The following CELSR2 variants were observed in gnomAD, a reference collection of about 807,000 sequenced individuals.
CELSR2 encodes EGF-like protein 2.
In CELSR2, 81 loss-of-function variants were observed where a neutral mutation model predicts 251.6. The ratio of observed to expected loss-of-function variants is 0.32; its 90% CI spans 0.27 to 0.39. The LOEUF (loss-of-function observed/expected upper bound fraction) is 0.39, where lower values mean the gene tolerates loss of function less well. CELSR2 is among the 10% of genes least tolerant of loss of function. The probability of loss-of-function intolerance (pLI) is 1.00; values close to 1 mark genes in which losing one functional copy is unlikely to be tolerated. For synonymous variants in CELSR2, 1,721 were observed against 1,670.5 expected, an observed-to-expected ratio of 1.03 and a Z score of -0.74; for missense variants, 3,365 against 3,947.7, an observed-to-expected ratio of 0.85 and a Z score of 3.96.
At chr1:109,259,199 C>A in intron 2 of CELSR2, 120 bp downstream of exon 2, 1 of 905,088 alleles carries the variant, frequency 1.1e-6, no homozygotes, top group Non-Finnish European at 1.6e-6. Flanking sequence ...TGCAGCTACA[C>A]TGAGAGGTCA....
Position 109,264,219 on chromosome 1 carries a change from G to A in CELSR2, c.5143G>A (p.Ala1715Thr). 1 of 1,613,808 alleles carries A rather than the reference G, an allele frequency of 6.2e-7. No homozygotes were observed. Among genetic ancestry groups the A allele is most frequent in the Non-Finnish European group, 8.5e-7 (1 of 1,179,992 alleles). Residue 1715 changes from alanine (A) to threonine (T), a missense_variant, in exon 10 of 34, where the codon GCC becomes ACC. Ala to Thr is a moderately conservative substitution (Grantham distance 58). This residue lies in a region of CELSR2 where 2,093 missense variants were observed against 2,382.8 expected (regional missense o/e 0.88). Transcript: ENST00000271332. ...ALGASGGPGH[A>T]ILSFDYGQQR... The stretch of plus-strand genomic sequence containing the variant: ...GGGAGCCAGCGGGGGGCCCGGCCAT[G>A]CCATTCTGTCCTTCGATTATGGGCA...
At chr1:109,273,954 ACTCT>A (rs750101520) in intron 33 of CELSR2, 64 bp from the exon 34 acceptor site, 107 of 1,577,680 alleles carry the variant, frequency 6.8e-5, no homozygotes, top group Non-Finnish European at 8.5e-5. Flanking sequence ...GAAAGCTTTC[ACTCT>A]CTCCTCTGTT....
rs140971845 is a variant in CELSR2 at position 109,263,187 on chromosome 1, A to G, written c.4754A>G (p.Asn1585Ser). 6 of 1,600,670 alleles carry G rather than the reference A, an allele frequency of 3.7e-6. No homozygotes were observed. The highest frequency in any genetic ancestry group is 1.1e-5 in the South Asian group (1 of 90,772). Residue 1585 changes from asparagine to serine, a missense_variant, in exon 8 of 34, where the codon AAT (asparagine) becomes AGT (serine). By Grantham distance (46) the Asn-to-Ser change is conservative. Transcript: ENST00000271332. ...KNVCDSNTCH[N>S]GGTCVNQWDA... ...GTGTGTGACAGCAACACTTGCCACA[A>G]TGGGGGCACTTGCGTGAACCAGTGG...
At chr1:109,259,937 G>T (rs959557860) in intron 2 of CELSR2, among the ~76,000 whole-genome samples, 2 of 152,012 alleles carry the variant, frequency 1.3e-5, no homozygotes, top group Non-Finnish European at 2.9e-5. Context: ...GACACCCCCT[G>T]CTCCCCTTCC....
intron 9 of CELSR2, 98 bp downstream of exon 9, chr1:109,263,875 G>C: frequency 6.7e-7 from 1 of 1,483,076 alleles, no homozygotes; most frequent in Non-Finnish European, 9.0e-7. Flanking sequence ...CTGGGCAGGG[G>C]TGGGGACATA....
In CELSR2 at chr1:109,250,588, G is replaced by A. The variant is rs769348398; in HGVS notation, c.509G>A (p.Arg170His). Residue 170 changes from arginine to histidine, a missense_variant, in exon 1 of 34, where the codon CGT (arginine) becomes CAT (histidine). By Grantham distance (29) the Arg-to-His change is conservative. Coordinates refer to ENST00000271332, the MANE Select transcript of CELSR2 (RefSeq NM_001408.3). The surrounding 1 kb of genome is among the most constrained non-coding windows in gnomAD (Gnocchi z 4.4). ...TCACCAGAAGAGTCCCTGGGTGGGCGTCGGAAAAGGAATGTAAATACAGCC... is the reference window on the plus strand; with the variant it reads ...TCACCAGAAGAGTCCCTGGGTGGGCATCGGAAAAGGAATGTAAATACAGCC... ...ERSPEESLGG[R>H]RKRNVNTAPQ... 1.2e-6 allele frequency: 2 copies of A among 1,614,046 alleles called. No individual in the cohort carries two copies. The highest frequency in any genetic ancestry group is 8.5e-7 in the Non-Finnish European group (1 of 1,180,010).
Position 109,252,761 on chromosome 1 carries a change from G to T in CELSR2, c.2682G>T (p.Val894=). 6.2e-7 allele frequency: 1 copy of T among 1,614,032 alleles called. No individual in the cohort carries two copies. The highest frequency in any genetic ancestry group is 1.6e-4 in the Middle Eastern group (1 of 6,062). ...VAQYVLRAYA[V]DKGMPPARTP... is the part of the protein sequence containing the mutation. ...AGTATGTCTTGCGGGCATATGCAGTGGACAAGGGGATGCCCCCAGCCCGCA... is the reference window on the plus strand; with the variant it reads ...AGTATGTCTTGCGGGCATATGCAGTTGACAAGGGGATGCCCCCAGCCCGCA... The change falls in exon 1 of 34, where the codon GTG becomes GTT. Residue 894 remains valine, a synonymous_variant. Transcript: ENST00000271332. This position sits in a 1 kb window ranked among gnomAD's most constrained non-coding sequence, Gnocchi z 4.8.
In CELSR2 at chr1:109,250,396, C is replaced by T. The variant is rs1410065320; in HGVS notation, c.317C>T (p.Ala106Val). 3 of 1,613,626 alleles carry T rather than the reference C, an allele frequency of 1.9e-6. No homozygotes were observed. Among genetic ancestry groups the T allele is most frequent in the South Asian group, 2.2e-5 (2 of 91,092 alleles). The change falls in exon 1 of 34, where the codon GCT becomes GTT. Residue 106 changes from alanine to valine, a missense_variant. By Grantham distance (64) the Ala-to-Val change is moderately conservative. Coordinates refer to ENST00000271332, the MANE Select transcript of CELSR2 (RefSeq NM_001408.3). The surrounding 1 kb of genome is among the most constrained non-coding windows in gnomAD (Gnocchi z 4.4). ...GAGGCCCATATTCCCCTACCACCAGCTCCTGAAGGCTGCCCCTGGAGCTGT... is the reference window on the plus strand; with the variant it reads ...GAGGCCCATATTCCCCTACCACCAGTTCCTGAAGGCTGCCCCTGGAGCTGT... ...ESEAHIPLPP[A>V]PEGCPWSCRL... is the part of the protein sequence containing the mutation.
chr1:109,269,602 A>T lies in CELSR2; in HGVS notation c.6980+11A>T. The T allele has an allele frequency of 6.2e-7, 1 of 1,613,912 alleles. No homozygotes were observed. The highest frequency in any genetic ancestry group is 8.5e-7 in the Non-Finnish European group (1 of 1,179,880). The stretch of plus-strand genomic sequence containing the variant: ...GAACCATTCAATCCTGTGAGCCTGC[A>T]CTGCCCTCGCCCCCTCAGGCTTCGG... On this transcript the variant is annotated intron_variant, in intron 21 of 33. Coordinates refer to ENST00000271332, the MANE Select transcript of CELSR2 (RefSeq NM_001408.3). The surrounding 1 kb of genome is among the most constrained non-coding windows in gnomAD (Gnocchi z 6.4).
chr1:109,274,273 GA>G lies in CELSR2; in HGVS notation c.*225del. 1 of 1,123,032 alleles carries G rather than the reference GA, an allele frequency of 8.9e-7. No individual in the cohort carries two copies. Among genetic ancestry groups the G allele is most frequent in the Non-Finnish European group, 1.2e-6 (1 of 827,778 alleles). The allele number at this position is 1,123,032 out of a possible 1,614,324, so 69.6% of individuals were successfully genotyped here. A position where few individuals can be genotyped will look rare whatever the true frequency, so the allele number is the denominator to read the frequency against. The stretch of plus-strand genomic sequence containing the variant: ...CCACCATTCCCCTCACTGCACTTTG[GA>G]CCCCTGGGGCCAACATCTCCAAGAC... On this transcript the variant is annotated 3_prime_UTR_variant, in exon 34 of 34. Coordinates refer to ENST00000271332, the MANE Select transcript of CELSR2 (RefSeq NM_001408.3).
At position 109,269,950 on chromosome 1, in the gene CELSR2, A is replaced by G; in HGVS notation, c.7125A>G (p.Pro2375=). Residue 2375 remains proline, a synonymous_variant, in exon 23 of 34, where the codon CCA becomes CCG. Transcript: ENST00000271332. This position sits in a 1 kb window ranked among gnomAD's most constrained non-coding sequence, Gnocchi z 6.4. The part of the protein sequence containing the change: ...VSRRENGEIL[P]LKTLTYVALG... ...CTCTGCAGAATGGGGAGATCCTGCCACTGAAGACACTGACATACGTGGCTC... is the reference window on the plus strand; with the variant it reads ...CTCTGCAGAATGGGGAGATCCTGCCGCTGAAGACACTGACATACGTGGCTC... 6.2e-7 allele frequency: 1 copy of G among 1,614,114 alleles called. No homozygotes were observed.
intron 1 of CELSR2, among the ~76,000 whole-genome samples, chr1:109,254,930 A>G (rs1044126007): frequency 1.3e-5 from 2 of 152,180 alleles, no homozygotes; most frequent in African/African-American, 2.4e-5. Flanking sequence ...GGAGGTGGGA[A>G]GGAGGGCCTC....
In CELSR2 at chr1:109,251,687, C is replaced by T. The variant is rs1276825128; in HGVS notation, c.1608C>T (p.Asp536=). 6.2e-7 allele frequency: 1 copy of T among 1,614,020 alleles called. No individual in the cohort carries two copies. Among genetic ancestry groups the T allele is most frequent in the Non-Finnish European group, 8.5e-7 (1 of 1,180,038 alleles). Residue 536 remains aspartate (D), a synonymous_variant, in exon 1 of 34, where the codon GAC becomes GAT. Transcript: ENST00000271332. This position sits in a 1 kb window ranked among gnomAD's most constrained non-coding sequence, Gnocchi z 4.9. ...AGGCTATCGACGCTGATGCTGGTGA[C>T]AATGCCCGCCTGGAATACCGCCTTG... ...HVQAIDADAG[D]NARLEYRLAG...
rs1655697486 is a variant in CELSR2, at chr1:109,251,748, A to G, written c.1669A>G (p.Asn557Asp). Residue 557 changes from asparagine to aspartate, a missense_variant, in exon 1 of 34, where the codon AAT becomes GAT. Around this residue, in one of 5 missense-constraint regions of CELSR2, gnomAD observed 704 missense variants for 784.1 expected, o/e 0.90. Coordinates refer to ENST00000271332, the MANE Select transcript of CELSR2 (RefSeq NM_001408.3). This position sits in a 1 kb window ranked among gnomAD's most constrained non-coding sequence, Gnocchi z 4.9. ...ACATGACTTCCCCTTCACCATCAAC[A>G]ATGGCACAGGCTGGATCTCTGTGGC... ...VGHDFPFTIN[N>D]GTGWISVAAE... The G allele has an allele frequency of 6.2e-7, 1 of 1,613,898 alleles. No individual in the cohort carries two copies. Among genetic ancestry groups the G allele is most frequent in the Non-Finnish European group, 8.5e-7 (1 of 1,179,968 alleles).
chr1:109,256,894 G>A (rs550070612), intron 1 of CELSR2, among the ~76,000 whole-genome samples: 11 of 152,174 alleles, frequency 7.2e-5, no homozygotes, highest in South Asian at 2.1e-4. Context: ...TCCTGACCTC[G>A]TGATCCACCC....
intron 24 of CELSR2, 40 bp from the exon 25 acceptor site, chr1:109,270,887 C>T (rs1213428633): frequency 6.8e-7 from 1 of 1,464,132 alleles, no homozygotes; most frequent in South Asian, 1.2e-5. Context: ...CCAGGCCCCT[C>T]ATCACCCCTC....
Position 109,251,286 on chromosome 1 carries a change from C to G in CELSR2, c.1207C>G (p.Arg403Gly). 6.2e-7 allele frequency: 1 copy of G among 1,614,126 alleles called. No homozygotes were observed. The change falls in exon 1 of 34, where the codon CGC becomes GGC. Residue 403 changes from arginine (R) to glycine (G), a missense_variant. This residue lies in a region of CELSR2 where 704 missense variants were observed against 784.1 expected (regional missense o/e 0.90). Transcript: ENST00000271332. The surrounding 1 kb of genome is among the most constrained non-coding windows in gnomAD (Gnocchi z 4.9). ...NDNAPQFSEK[R>G]YVVQVREDVT... ...TAATGCCCCCCAGTTTAGTGAGAAG[C>G]GCTATGTGGTCCAGGTGAGGGAGGA...
In CELSR2 at chr1:109,261,606, G is replaced by A. The variant is rs1426099250; in HGVS notation, c.4275G>A (p.Gln1425=). The A allele has an allele frequency of 7.4e-6, 12 of 1,613,970 alleles. No homozygotes were observed. The highest frequency in any genetic ancestry group is 1.0e-5 in the Non-Finnish European group (12 of 1,179,968). The part of the protein sequence containing the change: ...DFVALEVIQE[Q]VQLTFSAGES... ...TGGCCCTCGAGGTGATCCAGGAGCA[G>A]GTCCAGCTCACCTTCTCTGCAGGTG... The change falls in exon 4 of 34, where the codon CAG becomes CAA. Residue 1425 remains glutamine, a synonymous_variant. Coordinates refer to ENST00000271332, the MANE Select transcript of CELSR2 (RefSeq NM_001408.3). The surrounding 1 kb of genome is among the most constrained non-coding windows in gnomAD (Gnocchi z 4.8).
rs1191595900 is a variant in CELSR2, at chr1:109,267,892, G to A, written c.6150G>A (p.Gly2050=). 3 of 1,609,870 alleles carry A rather than the reference G, an allele frequency of 1.9e-6. No individual in the cohort carries two copies. The highest frequency in any genetic ancestry group is 2.2e-5 in the South Asian group (2 of 91,054). ...LQRNESGLDS[G]RSQQLALLLR... ...GGAATGAGTCAGGCCTAGACTCAGGGCGCTCCCAGCAGCTAGCCCTGCTCC... is the reference window on the plus strand; with the variant it reads ...GGAATGAGTCAGGCCTAGACTCAGGACGCTCCCAGCAGCTAGCCCTGCTCC... Residue 2050 remains glycine, a synonymous_variant, in exon 17 of 34, where the codon GGG becomes GGA. Transcript: ENST00000271332.
Sources: allele counts gnomAD v4.1 joint callset (sites outside exome capture counted in the v4.1 genomes callset), GRCh38; gene constraint gnomAD v4.1.1; regional missense constraint gnomAD v4.1.1; non-coding constraint Gnocchi (gnomAD v3.1); transcripts MANE v1.5; gene names NCBI Gene and HGNC (gene_info 2026-07-23, HGNC 2026-07-21).